THAP12: variants seen among roughly 807,000 people sequenced by gnomAD.
THAP12 encodes the protein THAP domain containing 12, also known as 52 kDa repressor of the inhibitor of the protein kinase.
A neutral mutation model predicts 63.0 loss-of-function variants in THAP12; 20 were observed. That is an observed-to-expected ratio of 0.32 (90% CI 0.22 to 0.46). The LOEUF is 0.46. Ranked by LOEUF, THAP12 falls within the 20% of genes least tolerant of loss-of-function variation. The pLI, the probability that THAP12 is intolerant of heterozygous loss-of-function variation, is 1.00. For synonymous variants in THAP12, 264 were observed against 328.4 expected (o/e 0.80, Z 2.12); for missense variants, 568 against 908.2 (o/e 0.63, Z 4.81).
chr11:76,367,763 T>TA (rs1449739996), intron 1 of THAP12, among the ~76,000 whole-genome samples: 7 of 152,156 alleles, frequency 4.6e-5, no homozygotes, highest in Non-Finnish European at 1.0e-4. Context: ...ATTTTTTTTT[T>TA]ATGTTTTAAC....
chr11:76,359,568 C>T (rs1946583858), intron 3 of THAP12: 1 of 152,118 alleles, frequency 6.6e-6, no homozygotes, highest in Non-Finnish European at 1.5e-5. Context: ...TGGCTCACGT[C>T]TATAATCCCA....
In THAP12 at chr11:76,364,763, A is replaced by G. The variant is rs576399509; in HGVS notation, c.210+1089T>C. ...ATTATTGATGAAAATGTTTTTCCAC[A>G]TTACCTGGATAATTTGTTTACCATT... On this transcript the variant is annotated intron_variant, in intron 2 of 4. Coordinates refer to ENST00000260045, the MANE Select transcript of THAP12 (RefSeq NM_004705.4). 9.8e-5 allele frequency among the ~76,000 whole-genome samples: 15 copies of G among 152,316 alleles called. No homozygotes were observed. The South Asian group carries it at 3.1e-3, about 32-fold the overall frequency.
chr11:76,351,240 G>C lies in THAP12; in HGVS notation c.1910C>G (p.Thr637Arg), dbSNP rs143273029. ...MYRSDLPNPD[T>R]LSAELHCWRI... The stretch of plus-strand genomic sequence containing the variant: ...CCAACAATGAAGCTCAGCTGACAGC[G>C]TGTCAGGATTGGGTAAGTCACTTCT... The change falls in exon 5 of 5, where the codon ACG becomes AGG. Residue 637 changes from threonine (T) to arginine (R), a missense_variant. Transcript: ENST00000260045. The C allele has an allele frequency of 6.4e-7, 1 of 1,555,212 alleles. No individual in the cohort carries two copies. The highest frequency in any genetic ancestry group is 8.7e-7 in the Non-Finnish European group (1 of 1,150,924).
intron 1 of THAP12, among the ~76,000 whole-genome samples, chr11:76,371,515 A>G (rs996546955): frequency 6.6e-6 from 1 of 152,186 alleles, no homozygotes; most frequent in African/African-American, 2.4e-5. Flanking sequence ...TCCATGTATA[A>G]TATCTCAACT....
At chr11:76,367,510 C>T (rs909788257) in intron 1 of THAP12, among the ~76,000 whole-genome samples, 1 of 152,202 alleles carries the variant, frequency 6.6e-6, no homozygotes, top group Non-Finnish European at 1.5e-5. Flanking sequence ...GCAACCTCTG[C>T]CTCCCAGGTT....
chr11:76,380,724 G>A (rs760945721), intron 1 of THAP12, 24 bp downstream of exon 1: 6 of 1,394,724 alleles, frequency 4.3e-6, no homozygotes, highest in South Asian at 1.5e-5. Context: ...GGCCCGGGCC[G>A]CCCGCTCTGC....
At chr11:76,377,782 G>A (rs1946721707) in intron 1 of THAP12, among the ~76,000 whole-genome samples, 1 of 152,234 alleles carries the variant, frequency 6.6e-6, no homozygotes, top group Admixed American at 6.5e-5. Context: ...GGGACACACA[G>A]TAATTCTACA....
chr11:76,377,533 T>C (rs1025299336), intron 1 of THAP12, among the ~76,000 whole-genome samples: 1 of 152,218 alleles, frequency 6.6e-6, no homozygotes, highest in African/African-American at 2.4e-5. Flanking sequence ...TTCTTTCACT[T>C]AGCATAATGT....
intron 2 of THAP12, chr11:76,364,525 T>G: frequency 3.6e-6 from 1 of 280,600 alleles, no homozygotes; most frequent in Non-Finnish European, 7.2e-6. Flanking sequence ...AGGTGTTACA[T>G]TAGTTACACT....
intron 1 of THAP12, among the ~76,000 whole-genome samples, chr11:76,367,858 A>G (rs1946642748): frequency 6.6e-6 from 1 of 152,166 alleles, no homozygotes; most frequent in African/African-American, 2.4e-5. Context: ...GTAAAATGCT[A>G]TGATTTTTAA....
In THAP12 at chr11:76,351,139, T is replaced by A. The variant is rs146004350; in HGVS notation, c.2011A>T (p.Ile671Phe). The change falls in exon 5 of 5, where the codon ATC becomes TTC. Residue 671 changes from isoleucine to phenylalanine, a missense_variant. Physicochemically the swap from Ile to Phe is conservative, Grantham distance 21. Transcript: ENST00000260045. ...TIYEALHLPD[I>F]KFFPNVYALL... is the part of the protein sequence containing the mutation. ...GCATACACATTAGGAAAAAACTTGA[T>A]GTCAGGCAGGTGGAGGGCTTCATAG... 1 of 1,607,288 alleles carries A rather than the reference T, an allele frequency of 6.2e-7. No homozygotes were observed. The highest frequency in any genetic ancestry group is 2.2e-5 in the East Asian group (1 of 44,828).
chr11:76,361,086 T>C, intron 2 of THAP12, 23 bp from the exon 3 acceptor site: 1 of 1,453,946 alleles, frequency 6.9e-7, no homozygotes. Context: ...ATTGTGTTAA[T>C]TCAGAGATGG....
At chr11:76,360,716 C>T (rs931986649) in intron 3 of THAP12, among the ~76,000 whole-genome samples, 1 of 152,174 alleles carries the variant, frequency 6.6e-6, no homozygotes, top group Non-Finnish European at 1.5e-5. Context: ...CTGTAATTAA[C>T]AGCACACTCT....
intron 3 of THAP12, chr11:76,359,099 T>G (rs933726094): frequency 1.3e-5 from 2 of 152,166 alleles, no homozygotes; most frequent in Non-Finnish European, 2.9e-5. Flanking sequence ...AAAAAGAAGT[T>G]CTTCAAAAGT....
Position 76,352,798 on chromosome 11 carries a change from G to A in THAP12, c.356-4C>T. The stretch of plus-strand genomic sequence containing the variant: ...TCCTGCTCAGAAGTTTCATCAACTG[G>A]AAAACAAAGAATTAATTTTACAAAC... On this transcript the variant is annotated splice_polypyrimidine_tract_variant and splice_region_variant and intron_variant, in intron 4 of 4. Transcript: ENST00000260045. The A allele has an allele frequency of 1.3e-6, 2 of 1,498,170 alleles. No individual in the cohort carries two copies. Among genetic ancestry groups the A allele is most frequent in the Admixed American group, 2.4e-5 (1 of 41,292 alleles). The allele number at this position is 1,498,170 out of a possible 1,614,324, so 92.8% of individuals were successfully genotyped here.
At chr11:76,371,077 C>A (rs887117462) in intron 1 of THAP12, among the ~76,000 whole-genome samples, 1 of 152,116 alleles carries the variant, frequency 6.6e-6, no homozygotes, top group Non-Finnish European at 1.5e-5. Context: ...CTGCTTCTCT[C>A]CATCAATAAC....
chr11:76,361,815 A>T (rs530734906), intron 2 of THAP12, among the ~76,000 whole-genome samples: 15 of 152,364 alleles, frequency 9.8e-5, no homozygotes, highest in South Asian at 2.1e-4. Flanking sequence ...TTATGTTTTT[A>T]AAAAAGTTTT....
chr11:76,375,744 A>AG (rs1425286836), intron 1 of THAP12, among the ~76,000 whole-genome samples: 2 of 7,110 alleles, frequency 2.8e-4, no homozygotes, highest in South Asian at 8.8e-3. Context: ...ATAGAAGAAA[A>AG]GGTGGGGGGG....
At chr11:76,365,579 A>C (rs989985982) in intron 2 of THAP12, among the ~76,000 whole-genome samples, 6 of 152,082 alleles carry the variant, frequency 3.9e-5, no homozygotes, top group Non-Finnish European at 2.9e-5. Flanking sequence ...TAGCGACGGC[A>C]TCTGGCCATG....
Sources: gnomAD v4.1 joint callset for allele counts (sites outside exome capture counted in the v4.1 genomes callset) on GRCh38, gnomAD v4.1.1 for gene constraint, MANE v1.5 for transcripts, NCBI Gene and HGNC (gene_info 2026-07-23, HGNC 2026-07-21) for gene names.